ITFG1: variants seen among roughly 807,000 people sequenced by gnomAD.
The protein encoded by ITFG1 is integrin alpha FG-GAP repeat containing 1.
Under a neutral mutation model 81.8 loss-of-function variants are expected in ITFG1, and 34 were observed. The ratio of observed to expected loss-of-function variants is 0.42; its 90% CI spans 0.32 to 0.55. ITFG1 has a LOEUF of 0.55. ITFG1 is among the 20% of genes least tolerant of loss of function. ITFG1 has a pLI of 0.17. For missense variants in ITFG1, 672 were observed against 755.4 expected (o/e 0.89, Z 1.29); for synonymous variants, 285 against 270.6 (o/e 1.05, Z -0.52).
chr16:47,328,466 TATA>T (rs920794164), intron 8 of ITFG1, among the ~76,000 whole-genome samples: 20 of 151,762 alleles, frequency 1.3e-4, no homozygotes, highest in Admixed American at 1.1e-3. Flanking sequence ...AAACTTAAAG[TATA>T]ATAATAATAA....
intron 6 of ITFG1, among the ~76,000 whole-genome samples, chr16:47,402,823 T>C (rs1968678885): frequency 6.6e-6 from 1 of 152,174 alleles, no homozygotes; most frequent in East Asian, 1.9e-4. Context: ...TGTACAACAT[T>C]ATTATCTTGT....
At chr16:47,445,644 C>A (rs976533377) in intron 5 of ITFG1, among the ~76,000 whole-genome samples, 4 of 152,176 alleles carry the variant, frequency 2.6e-5, no homozygotes, top group Non-Finnish European at 4.4e-5. Context: ...CTACTAACTC[C>A]ACTTAATCTT....
chr16:47,305,346 A>C (rs929219906), intron 10 of ITFG1, among the ~76,000 whole-genome samples: 1 of 152,178 alleles, frequency 6.6e-6, no homozygotes, highest in Admixed American at 6.5e-5. Flanking sequence ...TCACTTCTGT[A>C]ATCAGGGTAG....
At chr16:47,219,140 A>G (rs1222420115) in intron 13 of ITFG1, among the ~76,000 whole-genome samples, 194 bp from the exon 14 acceptor site, 2 of 152,156 alleles carry the variant, frequency 1.3e-5, no homozygotes, top group Non-Finnish European at 2.9e-5. Context: ...AACAAACAAA[A>G]AGAAAACCTG....
intron 10 of ITFG1, among the ~76,000 whole-genome samples, chr16:47,267,406 AT>A (rs1212983533): frequency 6.6e-6 from 1 of 152,206 alleles, no homozygotes; most frequent in African/African-American, 2.4e-5. Context: ...ATAACTTCAA[AT>A]AACATGAAAC....
At chr16:47,426,215 C>A (rs1165626436) in intron 6 of ITFG1, 1 of 151,998 alleles carries the variant, frequency 6.6e-6, no homozygotes, top group Non-Finnish European at 1.5e-5. Context: ...CTTCTTCATT[C>A]ACTTTGCTTG....
At chr16:47,156,301 T>C (rs1048726969) in intron 17 of ITFG1, among the ~76,000 whole-genome samples, 1 of 152,098 alleles carries the variant, frequency 6.6e-6, no homozygotes, top group South Asian at 2.1e-4. Context: ...TAGCTGAGTG[T>C]GGTGGTGGGC....
intron 6 of ITFG1, among the ~76,000 whole-genome samples, chr16:47,402,421 T>C (rs536433398): frequency 1.3e-5 from 2 of 152,334 alleles, no homozygotes; most frequent in African/African-American, 4.8e-5. Context: ...TTACATGATA[T>C]TATCCCCACT....
At position 47,342,125 on chromosome 16, in the gene ITFG1, G is replaced by A. The variant is rs181352697; in HGVS notation, c.802+23663C>T. 3.1e-4 allele frequency among the ~76,000 whole-genome samples: 47 copies of A among 152,200 alleles called. No individual in the cohort carries two copies. In the East Asian group the frequency reaches 7.9e-3, roughly 26 times the overall value. ...ATAATGACATCAAAGGAAAATTCCT[G>A]AGCAATAGATGCAAAAAAACCCTCA... On this transcript the variant is annotated intron_variant, in intron 8 of 17. Coordinates refer to ENST00000320640, the MANE Select transcript of ITFG1 (RefSeq NM_030790.5).
intron 12 of ITFG1, among the ~76,000 whole-genome samples, chr16:47,246,133 C>A (rs1965999820): frequency 6.6e-6 from 1 of 152,144 alleles, no homozygotes; most frequent in Non-Finnish European, 1.5e-5. Flanking sequence ...ATTCAAAAAT[C>A]ATGTAATAGT....
chr16:47,160,175 TA>T (rs1399768376), intron 16 of ITFG1, among the ~76,000 whole-genome samples: 15 of 146,372 alleles, frequency 1.0e-4, no homozygotes, highest in Non-Finnish European at 2.1e-4. Flanking sequence ...ATCAGGAATG[TA>T]AGTGTTTTGG....
intron 14 of ITFG1, among the ~76,000 whole-genome samples, chr16:47,204,084 C>A (rs1412431220): frequency 6.6e-6 from 1 of 152,160 alleles, no homozygotes; most frequent in Non-Finnish European, 1.5e-5. Flanking sequence ...AGTCCCCACC[C>A]CTGCCAAATA....
At chr16:47,347,316 G>A (rs1217058244) in intron 8 of ITFG1, among the ~76,000 whole-genome samples, 1 of 152,232 alleles carries the variant, frequency 6.6e-6, no homozygotes, top group African/African-American at 2.4e-5. Context: ...TGTGACAGAT[G>A]GCACCTGGAA....
chr16:47,401,617 T>TCTA (rs2151599416), intron 6 of ITFG1, among the ~76,000 whole-genome samples: 1 of 152,308 alleles, frequency 6.6e-6, no homozygotes, highest in East Asian at 1.9e-4. Context: ...GGTGTGTCCA[T>TCTA]GGGACTGGGT....
chr16:47,187,628 C>T (rs1056543193), intron 14 of ITFG1, among the ~76,000 whole-genome samples: 78 of 151,838 alleles, frequency 5.1e-4, no homozygotes, highest in African/African-American at 1.8e-3. Context: ...GGATTAAAGA[C>T]TTAAACATTA....
chr16:47,176,986 C>T (rs1383832024), intron 14 of ITFG1, among the ~76,000 whole-genome samples: 1 of 148,630 alleles, frequency 6.7e-6, no homozygotes, highest in Non-Finnish European at 1.5e-5. Context: ...AGAGATGGGG[C>T]CTTGCTCTGT....
chr16:47,354,319 TA>T (rs1567471887), intron 8 of ITFG1, among the ~76,000 whole-genome samples: 2 of 152,102 alleles, frequency 1.3e-5, no homozygotes, highest in African/African-American at 2.4e-5. Context: ...GTCTCTTCAA[TA>T]AATGGTGTTG....
At chr16:47,363,303 T>C (rs1209712370) in intron 8 of ITFG1, among the ~76,000 whole-genome samples, 1 of 152,122 alleles carries the variant, frequency 6.6e-6, no homozygotes, top group Admixed American at 6.5e-5. Flanking sequence ...TTTTCAGAGG[T>C]CTAACTTTTA....
In ITFG1 at chr16:47,181,107, C is replaced by T. The variant is rs542782664; in HGVS notation, c.1454-18443G>A. ...CTAGGAAGTGAGGAGCGTCTCTGCC[C>T]GGCCGCCCATCGTCTGAGATGTGGG... On this transcript the variant is annotated intron_variant, in intron 14 of 17. Transcript: ENST00000320640. Among the ~76,000 whole-genome samples, 1,053 of 147,866 alleles carry T rather than the reference C, an allele frequency of 7.1e-3. 15 individuals are homozygous for T. Among genetic ancestry groups the T allele is most frequent in the African/African-American group, 0.025 (1,005 of 39,990 alleles).
Sources: allele counts gnomAD v4.1 joint callset (sites outside exome capture counted in the v4.1 genomes callset), GRCh38; gene constraint gnomAD v4.1.1; transcripts MANE v1.5; gene names NCBI Gene and HGNC (gene_info 2026-07-23, HGNC 2026-07-21).